The following GALNTL6 variants were observed in gnomAD, a reference collection of about 807,000 sequenced individuals.
GALNTL6 encodes the protein polypeptide N-acetylgalactosaminyltransferase-like 6.
GALNTL6 carries 46 observed loss-of-function variants against 73.7 expected under a neutral mutation model. The observed-to-expected ratio is 0.62, with a 90% CI of 0.49 to 0.80. GALNTL6 has a LOEUF of 0.80. Ranked by LOEUF, GALNTL6 falls within the 30% of genes least tolerant of loss-of-function variation. GALNTL6 has a pLI of 0.00. For missense variants in GALNTL6, 604 were observed against 755.0 expected (o/e 0.80, Z 2.34); for synonymous variants, 259 against 263.7 (o/e 0.98, Z 0.17).
intron 7 of GALNTL6, among the ~76,000 whole-genome samples, chr4:172,835,664 G>A (rs1406285656): frequency 6.6e-6 from 1 of 152,188 alleles, no homozygotes; most frequent in East Asian, 1.9e-4. Flanking sequence ...CCGGAATAGT[G>A]AGAGTAGCAA....
Position 172,882,914 on chromosome 4 carries a change from C to T in GALNTL6, c.1041+7C>T. 7.2e-7 allele frequency: 1 copy of T among 1,387,058 alleles called. No individual in the cohort carries two copies. The allele number at this position is 1,387,058 out of a possible 1,614,324, so 85.9% of individuals were successfully genotyped here. On this transcript the variant is annotated splice_region_variant and intron_variant, in intron 8 of 12. Transcript: ENST00000506823. ...GTATGAAATCTCTTTTAAGGTAAGC[C>T]CCAAGACCCTCTTCACACTATATCT...
chr4:172,804,337 T>A (rs972056382), intron 5 of GALNTL6, among the ~76,000 whole-genome samples: 3 of 152,200 alleles, frequency 2.0e-5, no homozygotes, highest in African/African-American at 7.2e-5. Context: ...CATAGCTAAG[T>A]ATCACCCGTA....
In GALNTL6 at chr4:172,612,558, C is replaced by T. The variant is rs931911109; in HGVS notation, c.554-196803C>T. The stretch of plus-strand genomic sequence containing the variant: ...AGAATTAAGTCACGTGGTCATCCTT[C>T]CCTGGAAAGGAACTTCCAGGGAAAT... On this transcript the variant is annotated intron_variant, in intron 5 of 12. Coordinates refer to ENST00000506823, the MANE Select transcript of GALNTL6 (RefSeq NM_001034845.3). Among the ~76,000 whole-genome samples, 3 of 152,016 alleles carry T rather than the reference C, an allele frequency of 2.0e-5. No individual in the cohort carries two copies. In the South Asian group the frequency reaches 6.2e-4, roughly 32 times the overall value.
intron 5 of GALNTL6, among the ~76,000 whole-genome samples, chr4:172,360,852 C>T (rs1317467817): frequency 6.6e-6 from 1 of 152,128 alleles, no homozygotes; most frequent in Non-Finnish European, 1.5e-5. Context: ...CAGACTTTCA[C>T]CCAGAAGATA....
chr4:172,227,094 C>T (rs182291010), intron 2 of GALNTL6, among the ~76,000 whole-genome samples: 21 of 152,156 alleles, frequency 1.4e-4, no homozygotes, highest in Middle Eastern at 3.4e-3. Flanking sequence ...TGAGTGAAGT[C>T]GTGAAAATAG....
chr4:172,392,627 A>G (rs1290630011), intron 5 of GALNTL6, among the ~76,000 whole-genome samples: 2 of 152,154 alleles, frequency 1.3e-5, no homozygotes, highest in Non-Finnish European at 2.9e-5. Flanking sequence ...TCTTGGAGAG[A>G]AAAACATACC....
intron 4 of GALNTL6, among the ~76,000 whole-genome samples, chr4:172,335,382 G>C (rs1418649433): frequency 6.6e-6 from 1 of 152,136 alleles, no homozygotes; most frequent in African/African-American, 2.4e-5. Flanking sequence ...TGTTCACCAG[G>C]AATATTAGCC....
intron 5 of GALNTL6, among the ~76,000 whole-genome samples, chr4:172,675,835 A>G (rs555293717): frequency 6.6e-5 from 10 of 152,318 alleles, no homozygotes; most frequent in Admixed American, 4.6e-4. Context: ...GCTTTCTCCA[A>G]CTTTTTCATG....
At chr4:172,557,539 C>T (rs1029883914) in intron 5 of GALNTL6, among the ~76,000 whole-genome samples, 4 of 152,112 alleles carry the variant, frequency 2.6e-5, no homozygotes, top group South Asian at 2.1e-4. Context: ...ATTATTTCAA[C>T]TCACTAATAA....
chr4:172,860,826 A>T (rs1188739517), intron 7 of GALNTL6, among the ~76,000 whole-genome samples: 1 of 152,212 alleles, frequency 6.6e-6, no homozygotes, highest in African/African-American at 2.4e-5. Flanking sequence ...AGTACATTTT[A>T]TAGGTGATTT....
At chr4:172,294,418 G>C (rs1739590330) in intron 3 of GALNTL6, among the ~76,000 whole-genome samples, 2 of 152,108 alleles carry the variant, frequency 1.3e-5, no homozygotes. Flanking sequence ...TTTACTCAAA[G>C]GAAGATGCTA....
chr4:172,457,010 A>G (rs1366351582), intron 5 of GALNTL6, among the ~76,000 whole-genome samples: 2 of 152,134 alleles, frequency 1.3e-5, no homozygotes, highest in Non-Finnish European at 2.9e-5. Flanking sequence ...TCTCTCTGCA[A>G]AAACCCTACA....
chr4:172,234,871 A>T (rs1318878448), intron 3 of GALNTL6, among the ~76,000 whole-genome samples: 1 of 152,092 alleles, frequency 6.6e-6, no homozygotes, highest in Non-Finnish European at 1.5e-5. Flanking sequence ...AACTAAAATT[A>T]TTTCTTTAGT....
intron 7 of GALNTL6, among the ~76,000 whole-genome samples, chr4:172,851,391 T>G (rs577732272): frequency 6.7e-6 from 1 of 149,578 alleles, no homozygotes; most frequent in Non-Finnish European, 1.5e-5. Context: ...TATATATGTA[T>G]GTATGTACTT....
intron 2 of GALNTL6, among the ~76,000 whole-genome samples, chr4:172,136,578 C>A (rs1733642961): frequency 6.6e-6 from 1 of 151,878 alleles, no homozygotes; most frequent in Non-Finnish European, 1.5e-5. Context: ...GTGTTTGTTT[C>A]CCCACGTTGC....
intron 2 of GALNTL6, among the ~76,000 whole-genome samples, chr4:172,057,713 AAAAAAAAAAAAAAAATATATATATATAT>A (rs1731060350): frequency 3.0e-5 from 1 of 33,852 alleles, no homozygotes. Flanking sequence ...AAAAAAAAAA[AAAAAAAAAAAAAAAATATATATATATAT>A]ATATATATAT....
At chr4:172,636,597 C>T (rs1219504003) in intron 5 of GALNTL6, among the ~76,000 whole-genome samples, 1 of 152,140 alleles carries the variant, frequency 6.6e-6, no homozygotes, top group African/African-American at 2.4e-5. Flanking sequence ...CAGGCAGCCT[C>T]TAGAGCTGGA....
chr4:172,224,272 T>A (rs1195027845), intron 2 of GALNTL6, among the ~76,000 whole-genome samples: 1 of 152,198 alleles, frequency 6.6e-6, no homozygotes, highest in Non-Finnish European at 1.5e-5. Context: ...ATTTCATATG[T>A]GAGCTGAGAG....
chr4:172,698,761 T>C (rs1733843017), intron 5 of GALNTL6, among the ~76,000 whole-genome samples: 1 of 152,046 alleles, frequency 6.6e-6, no homozygotes, highest in Non-Finnish European at 1.5e-5. Flanking sequence ...TCCTCCCCAC[T>C]AAAAGCAAAG....
Sources: allele counts gnomAD v4.1 joint callset (sites outside exome capture counted in the v4.1 genomes callset), GRCh38; gene constraint gnomAD v4.1.1; transcripts MANE v1.5; gene names NCBI Gene and HGNC (gene_info 2026-07-23, HGNC 2026-07-21).